SIK2: variants seen among roughly 807,000 people sequenced by gnomAD.
SIK2 encodes the protein salt inducible kinase 2.
In SIK2, 29 loss-of-function variants were observed where a neutral mutation model predicts 103.2. The ratio of observed to expected loss-of-function variants is 0.28; its 90% CI spans 0.21 to 0.38. The LOEUF (loss-of-function observed/expected upper bound fraction) is 0.38, where lower values mean the gene tolerates loss of function less well. Among genes scored for constraint, SIK2 ranks in the 10% least tolerant of loss-of-function variants. The pLI, the probability that SIK2 is intolerant of heterozygous loss-of-function variation, is 1.00. For missense variants in SIK2, 879 were observed against 1,171.0 expected (o/e 0.75, Z 3.64); for synonymous variants, 412 against 446.1 (o/e 0.92, Z 0.96).
In SIK2 at chr11:111,726,730, A is replaced by T; in HGVS notation, c.*2601A>T. 4 of 532,514 alleles carry T rather than the reference A, an allele frequency of 7.5e-6. No homozygotes were observed. The highest frequency in any genetic ancestry group is 1.3e-5 in the Non-Finnish European group (4 of 297,922). The allele number at this position is 532,514 out of a possible 1,614,324, so 33.0% of individuals were successfully genotyped here. On this transcript the variant is annotated 3_prime_UTR_variant, in exon 15 of 15. Coordinates refer to ENST00000304987, the MANE Select transcript of SIK2 (RefSeq NM_015191.3). ...ACTACTAACAAACAAAACACTAAGA[A>T]GGCTTAGTATCGCTCTTTTTCTGCG...
intron 4 of SIK2, among the ~76,000 whole-genome samples, chr11:111,694,439 T>C (rs894338451): frequency 1.4e-4 from 21 of 152,268 alleles, no homozygotes; most frequent in Non-Finnish European, 8.8e-5. Context: ...AGAGGAATGC[T>C]TCCTTTCTGA....
At chr11:111,644,251 T>C (rs1490894144) in intron 3 of SIK2, among the ~76,000 whole-genome samples, 5 of 135,844 alleles carry the variant, frequency 3.7e-5, no homozygotes, top group Non-Finnish European at 7.6e-5. Context: ...ATCACGCCAC[T>C]GCACTCCAGC....
intron 1 of SIK2, among the ~76,000 whole-genome samples, chr11:111,613,163 G>T (rs1424731645): frequency 6.6e-6 from 1 of 151,778 alleles, no homozygotes; most frequent in Non-Finnish European, 1.5e-5. Flanking sequence ...GTATAAAAAA[G>T]GAGCTTTCTC....
At chr11:111,716,579 CA>C (rs1381247173) in intron 9 of SIK2, among the ~76,000 whole-genome samples, 1 of 149,962 alleles carries the variant, frequency 6.7e-6, no homozygotes, top group Non-Finnish European at 1.5e-5. Flanking sequence ...TCTGTCTCAC[CA>C]AAAAAAGAAA....
At chr11:111,616,621 A>G (rs1012624784) in intron 2 of SIK2, among the ~76,000 whole-genome samples, 10 of 152,124 alleles carry the variant, frequency 6.6e-5, no homozygotes, top group Admixed American at 4.6e-4. Context: ...GAGGCTGAGC[A>G]GGGAAGATTA....
At chr11:111,667,177 G>C (rs1942556192) in intron 3 of SIK2, among the ~76,000 whole-genome samples, 1 of 151,996 alleles carries the variant, frequency 6.6e-6, no homozygotes, top group African/African-American at 2.4e-5. Flanking sequence ...TCAAACTGCT[G>C]TCCTCTGGTG....
At chr11:111,638,629 A>G (rs1053034498) in intron 3 of SIK2, among the ~76,000 whole-genome samples, 1 of 152,016 alleles carries the variant, frequency 6.6e-6, no homozygotes, top group South Asian at 2.1e-4. Context: ...TTCCTGTTCT[A>G]TTCTGTAAAA....
intron 3 of SIK2, among the ~76,000 whole-genome samples, chr11:111,676,159 C>G (rs1039893814): frequency 2.4e-4 from 36 of 152,272 alleles, no homozygotes; most frequent in African/African-American, 8.7e-4. Context: ...ATTCAGACCA[C>G]CATTTATGGG....
At chr11:111,620,075 G>A (rs1591590641) in intron 2 of SIK2, among the ~76,000 whole-genome samples, 1 of 152,292 alleles carries the variant, frequency 6.6e-6, no homozygotes, top group Non-Finnish European at 1.5e-5. Context: ...CTGGGATGGG[G>A]CCTGGAATTC....
chr11:111,696,822 G>A (rs567587114), intron 4 of SIK2, among the ~76,000 whole-genome samples: 2 of 152,324 alleles, frequency 1.3e-5, no homozygotes, highest in Admixed American at 6.5e-5. Flanking sequence ...GATGAAGCAT[G>A]AGTATAGTCC....
At chr11:111,622,537 A>G (rs577864454) in intron 3 of SIK2, among the ~76,000 whole-genome samples, 13 of 152,226 alleles carry the variant, frequency 8.5e-5, no homozygotes, top group African/African-American at 1.4e-4. Context: ...TACAGGCGTG[A>G]GCCACCGCAC....
intron 3 of SIK2, among the ~76,000 whole-genome samples, chr11:111,630,066 A>G (rs1208768599): frequency 6.6e-6 from 1 of 152,220 alleles, no homozygotes; most frequent in Non-Finnish European, 1.5e-5. Context: ...AAGTCGGATC[A>G]ACCCAAATGT....
chr11:111,676,808 T>C (rs1942708927), intron 3 of SIK2, among the ~76,000 whole-genome samples: 1 of 152,276 alleles, frequency 6.6e-6, no homozygotes, highest in African/African-American at 2.4e-5. Context: ...TGGTAAATCA[T>C]AGTCTGTTCT....
intron 3 of SIK2, among the ~76,000 whole-genome samples, chr11:111,642,276 C>G (rs74881057): frequency 0.023 from 3,466 of 152,278 alleles, 80 homozygotes; most frequent in Middle Eastern, 0.058. Context: ...CAAGACTGCC[C>G]TCACATCAGA....
chr11:111,723,680 C>T lies in SIK2; in HGVS notation c.2332C>T (p.Leu778=). ...CCTGACCCAGCCCCTGAGCCCCGTC[C>T]TGGAGCCTTCCTCCGAGCAGATGCA... ...FSLTQPLSPV[L]EPSSEQMQYS... Residue 778 remains leucine, a synonymous_variant, in exon 15 of 15, where the codon CTG becomes TTG. Coordinates refer to ENST00000304987, the MANE Select transcript of SIK2 (RefSeq NM_015191.3). 2 of 1,614,190 alleles carry T rather than the reference C, an allele frequency of 1.2e-6. No homozygotes were observed.
intron 1 of SIK2, among the ~76,000 whole-genome samples, chr11:111,613,607 G>A (rs944511260): frequency 1.3e-5 from 2 of 152,062 alleles, no homozygotes; most frequent in African/African-American, 4.8e-5. Context: ...ATTTAGGTTT[G>A]AGGTGGTCCA....
At chr11:111,627,961 C>G (rs1316112111) in intron 3 of SIK2, among the ~76,000 whole-genome samples, 1 of 152,174 alleles carries the variant, frequency 6.6e-6, no homozygotes, top group Non-Finnish European at 1.5e-5. Context: ...TCTTTCTTCT[C>G]TAGTCAAGTA....
chr11:111,701,332 A>G lies in SIK2; in HGVS notation c.604-120A>G. The G allele has an allele frequency of 7.5e-7, 1 of 1,330,584 alleles. No individual in the cohort carries two copies. The highest frequency in any genetic ancestry group is 2.5e-5 in the Admixed American group (1 of 40,342). 82.4% of individuals were successfully genotyped at this position (1,330,584 alleles called of 1,614,324 possible). On this transcript the variant is annotated intron_variant, in intron 5 of 14. Transcript: ENST00000304987. The surrounding 1 kb of genome is among the most constrained non-coding windows in gnomAD (Gnocchi z 4.2). ...GATTTTTTTCAAATTCTGAGAAAAT[A>G]ATAAATCCAGACAGGAATTTTTCAG...
intron 9 of SIK2, among the ~76,000 whole-genome samples, chr11:111,717,020 A>G (rs1943659322): frequency 6.6e-6 from 1 of 152,210 alleles, no homozygotes; most frequent in Non-Finnish European, 1.5e-5. Flanking sequence ...CATATGAAAA[A>G]AAGCTCAACA....
Sources: allele counts gnomAD v4.1 joint callset (sites outside exome capture counted in the v4.1 genomes callset), GRCh38; gene constraint gnomAD v4.1.1; non-coding constraint Gnocchi (gnomAD v3.1); transcripts MANE v1.5; gene names NCBI Gene and HGNC (gene_info 2026-07-23, HGNC 2026-07-21).